Variants in SYNPR observed in about 807,000 individuals in gnomAD.
SYNPR encodes synaptoporin.
A neutral mutation model predicts 32.9 loss-of-function variants in SYNPR; 23 were observed. The ratio of observed to expected loss-of-function variants is 0.70; its 90% CI spans 0.50 to 0.99. SYNPR has a LOEUF of 0.99. Among genes scored for constraint, SYNPR ranks in the 50% least tolerant of loss-of-function variants. SYNPR has a pLI of 0.00. For synonymous variants in SYNPR, 146 were observed against 135.9 expected (o/e 1.07, Z -0.52); for missense variants, 318 against 349.3 (o/e 0.91, Z 0.71).
At chr3:63,478,078 A>G (rs935789) in intron 2 of SYNPR, among the ~76,000 whole-genome samples, 63,266 of 152,054 alleles carry the variant, frequency 0.42, 13,172 homozygotes, top group East Asian at 0.49. Context: ...TATTTAACTC[A>G]ATTACAATGC....
intron 2 of SYNPR, among the ~76,000 whole-genome samples, chr3:63,468,666 T>G (rs1700735093): frequency 6.6e-6 from 1 of 152,094 alleles, no homozygotes; most frequent in Non-Finnish European, 1.5e-5. Flanking sequence ...CCGGGTGTGG[T>G]GGTGCATGTT....
intron 2 of SYNPR, among the ~76,000 whole-genome samples, chr3:63,323,535 A>G (rs1575598202): frequency 6.6e-6 from 1 of 151,960 alleles, no homozygotes; most frequent in African/African-American, 2.4e-5. Context: ...ACTTCTTTAT[A>G]CTCCCCAAAT....
At chr3:63,394,717 A>C (rs2088189617) in intron 2 of SYNPR, among the ~76,000 whole-genome samples, 1 of 152,200 alleles carries the variant, frequency 6.6e-6, no homozygotes. Context: ...TACAAAGCTA[A>C]AACATTGAGT....
At chr3:63,274,715 C>T (rs1019137388), upstream of SYNPR, among the ~76,000 whole-genome samples, 4 of 152,166 alleles carry the variant, frequency 2.6e-5, no homozygotes, top group African/African-American at 7.2e-5. Flanking sequence ...TCTACCTTGG[C>T]ACCATTGACA....
intron 5 of SYNPR, among the ~76,000 whole-genome samples, chr3:63,610,890 AT>A (rs1559551082): frequency 6.6e-6 from 1 of 152,196 alleles, no homozygotes; most frequent in South Asian, 2.1e-4. Flanking sequence ...AAACAATGTG[AT>A]GTGTCTCCTA....
chr3:63,312,819 C>G (rs13085847), intron 2 of SYNPR, among the ~76,000 whole-genome samples: 66,783 of 151,830 alleles, frequency 0.44, 14,885 homozygotes, highest in Middle Eastern at 0.52. Context: ...ACAGCCCAAC[C>G]TCTCTCCTGC....
upstream of SYNPR, among the ~76,000 whole-genome samples, chr3:63,273,506 G>A (rs142655456): frequency 6.6e-6 from 1 of 151,982 alleles, no homozygotes; most frequent in South Asian, 2.1e-4. Flanking sequence ...AATTACTGTT[G>A]CTATTATTAT....
intron 2 of SYNPR, among the ~76,000 whole-genome samples, chr3:63,367,462 C>A (rs1490711629): frequency 6.6e-6 from 1 of 152,032 alleles, no homozygotes; most frequent in Non-Finnish European, 1.5e-5. Flanking sequence ...CAGGCTCAAA[C>A]CCTCCCAACT....
intron 3 of SYNPR, chr3:63,545,455 A>G (rs867740116): frequency 6.6e-6 from 1 of 152,022 alleles, no homozygotes; most frequent in African/African-American, 2.4e-5. Context: ...CAGCCATACC[A>G]CCCTGAACAC....
chr3:63,453,801 G>C (rs4688170), intron 2 of SYNPR, among the ~76,000 whole-genome samples: 21,151 of 152,050 alleles, frequency 0.14, 3,056 homozygotes, highest in African/African-American at 0.36. Context: ...TCAGGAAAGA[G>C]AGCAGCTCTT....
intron 3 of SYNPR, among the ~76,000 whole-genome samples, chr3:63,531,586 T>C (rs114112134): frequency 0.022 from 3,365 of 152,280 alleles, 43 homozygotes; most frequent in Non-Finnish European, 0.031. Context: ...AAGGTCACAT[T>C]CTTAAGTATT....
At position 63,241,673 on chromosome 3, in the gene SYNPR, G is replaced by T. The variant is rs114230109; in HGVS notation, n.67-10826G>T. 7.0e-3 allele frequency among the ~76,000 whole-genome samples: 1,064 copies of T among 152,136 alleles called. 14 individuals carry two copies. Among genetic ancestry groups the T allele is most frequent in the African/African-American group, 0.023 (965 of 41,520 alleles). The stretch of plus-strand genomic sequence containing the variant: ...TACAATCATCTCATAAGTGTAAGAG[G>T]AAAGCTAAGAGATTTATGAAGAATT... On this transcript the variant is annotated intron_variant and non_coding_transcript_variant, in intron 1 of 4. Transcript: ENST00000478456.
At chr3:63,279,367 C>A (rs1283533223) in intron 2 of SYNPR, among the ~76,000 whole-genome samples, 1 of 152,324 alleles carries the variant, frequency 6.6e-6, no homozygotes, top group Admixed American at 6.5e-5. Context: ...TCCTCTAGGG[C>A]TTTTCTGATT....
At chr3:63,201,423 A>G in the SYNPR span, among the ~76,000 whole-genome samples, 4 of 152,184 alleles carry the variant, frequency 2.6e-5, no homozygotes, top group African/African-American at 9.6e-5. Context: ...TGTCTGCAAA[A>G]TATGTGTCTC....
chr3:63,392,485 T>A (rs555308524), intron 2 of SYNPR, among the ~76,000 whole-genome samples: 2 of 152,320 alleles, frequency 1.3e-5, no homozygotes, highest in Admixed American at 1.3e-4. Flanking sequence ...CTCACCCACC[T>A]GAGTATCACC....
chr3:63,278,062 T>G (rs943687338), upstream of SYNPR: 2 of 155,630 alleles, frequency 1.3e-5, no homozygotes, highest in Admixed American at 6.5e-5. Context: ...AAACCCCTTC[T>G]TCAGGTGGAC....
chr3:63,443,985 C>T (rs895207058), intron 2 of SYNPR, among the ~76,000 whole-genome samples: 1 of 152,152 alleles, frequency 6.6e-6, no homozygotes, highest in Admixed American at 6.5e-5. Flanking sequence ...GTTTCCCCTA[C>T]GATTGGATGC....
intron 1 of SYNPR, among the ~76,000 whole-genome samples, chr3:63,238,122 AC>A (rs760473199): frequency 2.1e-4 from 32 of 152,012 alleles, no homozygotes; most frequent in Non-Finnish European, 4.6e-4. Context: ...GGGGCATGAC[AC>A]CCTGGTACTA....
At chr3:63,436,167 C>T (rs776956050) in intron 2 of SYNPR, among the ~76,000 whole-genome samples, 5 of 151,272 alleles carry the variant, frequency 3.3e-5, no homozygotes, top group Admixed American at 6.6e-5. Flanking sequence ...CTATTGAGGA[C>T]GTGAGCCCCC....
Sources: gnomAD v4.1 joint callset for allele counts (sites outside exome capture counted in the v4.1 genomes callset) on GRCh38, gnomAD v4.1.1 for gene constraint, MANE v1.5 for transcripts, NCBI Gene and HGNC (gene_info 2026-07-23, HGNC 2026-07-21) for gene names.